The following FOCAD variants were observed in gnomAD, a reference collection of about 807,000 sequenced individuals.
FOCAD encodes the protein KIAA1797.
FOCAD carries 198 observed loss-of-function variants against 225.6 expected under a neutral mutation model. That is an observed-to-expected ratio of 0.88 (90% CI 0.78 to 0.99). The LOEUF (loss-of-function observed/expected upper bound fraction) is 0.99, where lower values mean the gene tolerates loss of function less well. FOCAD is among the 50% of genes least tolerant of loss of function. FOCAD has a pLI of 0.00. For missense variants in FOCAD, 2,713 were observed against 2,123.6 expected (o/e 1.28, Z -5.46); for synonymous variants, 897 against 755.0 (o/e 1.19, Z -3.08).
chr9:20,804,946 A>G (rs1822255712), intron 11 of FOCAD, among the ~76,000 whole-genome samples: 1 of 152,114 alleles, frequency 6.6e-6, no homozygotes, highest in South Asian at 2.1e-4. Context: ...TGGTTTGCTA[A>G]CAATTGCCCT....
chr9:20,936,794 G>C (rs1046251160), intron 28 of FOCAD, among the ~76,000 whole-genome samples: 1 of 152,240 alleles, frequency 6.6e-6, no homozygotes, highest in East Asian at 1.9e-4. Context: ...AATTGTCCCT[G>C]TTTGTAGATG....
chr9:20,939,090 C>T (rs1836346911), intron 28 of FOCAD, among the ~76,000 whole-genome samples: 1 of 133,486 alleles, frequency 7.5e-6, no homozygotes, highest in Non-Finnish European at 1.5e-5. Context: ...GCGGAGCTTG[C>T]AGTGAGCCGA....
chr9:20,774,822 C>A (rs1393920254), intron 8 of FOCAD, among the ~76,000 whole-genome samples: 1 of 152,078 alleles, frequency 6.6e-6, no homozygotes, highest in East Asian at 1.9e-4. Context: ...CTCATTTGCC[C>A]AATGTTTTAG....
At chr9:20,882,410 T>C (rs184160806) in intron 20 of FOCAD, among the ~76,000 whole-genome samples, 1 of 152,358 alleles carries the variant, frequency 6.6e-6, no homozygotes, top group East Asian at 1.9e-4. Context: ...ACAGGACATT[T>C]GCTGAATTTT....
At chr9:20,705,112 G>A (rs1205379123) in intron 1 of FOCAD, among the ~76,000 whole-genome samples, 1 of 152,104 alleles carries the variant, frequency 6.6e-6, no homozygotes, top group Non-Finnish European at 1.5e-5. Flanking sequence ...TACTGTGGGG[G>A]TTGAATGAGT....
chr9:20,900,978 T>C (rs145935076), intron 21 of FOCAD, among the ~76,000 whole-genome samples: 1 of 151,760 alleles, frequency 6.6e-6, no homozygotes, highest in African/African-American at 2.4e-5. Context: ...AAGAGATGAG[T>C]GTCATTTTAC....
intron 28 of FOCAD, among the ~76,000 whole-genome samples, chr9:20,938,571 G>T (rs796180111): frequency 4.6e-4 from 69 of 150,796 alleles, no homozygotes; most frequent in African/African-American, 1.3e-3. Flanking sequence ...ACACACGGGG[G>T]CCTGTTGTGG....
At position 20,740,691 on chromosome 9, in the gene FOCAD, A is replaced by G. The variant is rs889905651; in HGVS notation, c.392+351A>G. On this transcript the variant is annotated intron_variant, in intron 5 of 43. Transcript: ENST00000338382. ...AGATATTTAAAGCAGGGGGGGATTTAGGTTAGGCAGGATGGTAATCTGCCT... is the reference window on the plus strand; with the variant it reads ...AGATATTTAAAGCAGGGGGGGATTTGGGTTAGGCAGGATGGTAATCTGCCT... Among the ~76,000 whole-genome samples, 3 of 152,232 alleles carry G rather than the reference A, an allele frequency of 2.0e-5. No homozygotes were observed. The East Asian group carries it at 5.8e-4, about 29-fold the overall frequency.
intron 15 of FOCAD, among the ~76,000 whole-genome samples, chr9:20,848,679 G>A (rs1220587471): frequency 1.3e-5 from 2 of 151,818 alleles, no homozygotes; most frequent in Non-Finnish European, 2.9e-5. Flanking sequence ...GGTTAACCAC[G>A]GTGTATGTAT....
intron 23 of FOCAD, among the ~76,000 whole-genome samples, chr9:20,916,410 T>G (rs1833867984): frequency 6.6e-6 from 1 of 152,206 alleles, no homozygotes; most frequent in Admixed American, 6.5e-5. Flanking sequence ...TAGCGACTAT[T>G]TCATATGTAC....
At chr9:20,892,569 A>T (rs1831708656) in intron 21 of FOCAD, among the ~76,000 whole-genome samples, 1 of 152,092 alleles carries the variant, frequency 6.6e-6, no homozygotes, top group African/African-American at 2.4e-5. Flanking sequence ...TTAGAAGTAG[A>T]GCCTGAGGAT....
At chr9:20,878,068 A>G (rs1356676118) in intron 19 of FOCAD, among the ~76,000 whole-genome samples, 2 of 152,210 alleles carry the variant, frequency 1.3e-5, no homozygotes, top group Non-Finnish European at 2.9e-5. Context: ...ATACATACAC[A>G]ATACTTACAC....
chr9:20,970,590 C>T (rs1839681675), intron 35 of FOCAD, among the ~76,000 whole-genome samples: 1 of 151,800 alleles, frequency 6.6e-6, no homozygotes, highest in Non-Finnish European at 1.5e-5. Context: ...TATTGTTCTC[C>T]TGGTTTCTTT....
chr9:20,851,138 T>G (rs1827606443), intron 15 of FOCAD, among the ~76,000 whole-genome samples: 1 of 151,570 alleles, frequency 6.6e-6, no homozygotes, highest in Admixed American at 6.6e-5. Flanking sequence ...AACTTATTCC[T>G]TTGCATATTT....
intron 5 of FOCAD, among the ~76,000 whole-genome samples, chr9:20,749,186 G>A (rs1199534566): frequency 2.0e-5 from 3 of 151,972 alleles, no homozygotes; most frequent in Admixed American, 2.0e-4. Flanking sequence ...TCTCTAAAAG[G>A]GATTCTGGGA....
intron 35 of FOCAD, among the ~76,000 whole-genome samples, chr9:20,961,215 C>G (rs1838694190): frequency 6.6e-6 from 1 of 151,866 alleles, no homozygotes; most frequent in African/African-American, 2.4e-5. Context: ...CTCTCCCTCT[C>G]TCTCTCTGTG....
intron 10 of FOCAD, among the ~76,000 whole-genome samples, chr9:20,785,159 G>C (rs1035170638): frequency 3.9e-5 from 6 of 152,126 alleles, no homozygotes; most frequent in African/African-American, 1.2e-4. Context: ...TTTTACCTAA[G>C]AGTTAACTGA....
At chr9:20,754,157 T>G (rs968857258) in intron 5 of FOCAD, among the ~76,000 whole-genome samples, 1 of 152,134 alleles carries the variant, frequency 6.6e-6, no homozygotes, top group Non-Finnish European at 1.5e-5. Context: ...ATGGAAAGGC[T>G]AACAAGCAGT....
At chr9:20,711,728 G>T (rs964790812) in intron 1 of FOCAD, among the ~76,000 whole-genome samples, 1 of 152,186 alleles carries the variant, frequency 6.6e-6, no homozygotes, top group Non-Finnish European at 1.5e-5. Flanking sequence ...TTTTGTTTTT[G>T]ATGTCCCTAA....
Sources: gnomAD v4.1 joint callset for allele counts (sites outside exome capture counted in the v4.1 genomes callset) on GRCh38, gnomAD v4.1.1 for gene constraint, MANE v1.5 for transcripts, NCBI Gene and HGNC (gene_info 2026-07-23, HGNC 2026-07-21) for gene names.